NBAS: variants seen among roughly 807,000 people sequenced by gnomAD.
NBAS encodes NAG/BC035112 fusion.
In NBAS, 219 loss-of-function variants were observed where a neutral mutation model predicts 302.5. The ratio of observed to expected loss-of-function variants is 0.72; its 90% CI spans 0.65 to 0.81. The LOEUF (loss-of-function observed/expected upper bound fraction) is 0.81. NBAS is among the 30% of genes least tolerant of loss of function. The pLI is 0.00. For synonymous variants in NBAS, 1,118 were observed against 1,021.6 expected (o/e 1.09, Z -1.80); for missense variants, 2,932 against 2,841.6 (o/e 1.03, Z -0.72).
At chr2:15,484,331 A>T (rs1025462647) in intron 12 of NBAS, among the ~76,000 whole-genome samples, 1 of 152,182 alleles carries the variant, frequency 6.6e-6, no homozygotes, top group Non-Finnish European at 1.5e-5. Flanking sequence ...GATATTCTGA[A>T]AAAAGGCTTA....
intron 49 of NBAS, among the ~76,000 whole-genome samples, chr2:15,188,634 A>G (rs764717408): frequency 3.9e-5 from 6 of 152,224 alleles, no homozygotes; most frequent in Non-Finnish European, 8.8e-5. Context: ...ATTCCATTTC[A>G]TATGTGGCTA....
At chr2:14,785,028 C>T in the NBAS span, among the ~76,000 whole-genome samples, 2 of 152,282 alleles carry the variant, frequency 1.3e-5, no homozygotes, top group African/African-American at 2.4e-5. Context: ...TTGAAGAGGT[C>T]CTTCACGTCC....
chr2:14,793,723 A>T, the NBAS span, among the ~76,000 whole-genome samples: 1 of 152,178 alleles, frequency 6.6e-6, no homozygotes, highest in Non-Finnish European at 1.5e-5. Flanking sequence ...AACTGAGTAA[A>T]CACCAAACTC....
At chr2:15,451,680 G>A (rs541652368) in intron 21 of NBAS, among the ~76,000 whole-genome samples, 8 of 151,816 alleles carry the variant, frequency 5.3e-5, no homozygotes, top group Non-Finnish European at 8.8e-5. Context: ...TAAGTTTTAC[G>A]CTGTTGTAAT....
the NBAS span, among the ~76,000 whole-genome samples, chr2:14,880,950 T>G: frequency 2.0e-5 from 3 of 150,556 alleles, no homozygotes; most frequent in African/African-American, 7.4e-5. Flanking sequence ...AAAAAAAAAT[T>G]TATTTACAAG....
intron 35 of NBAS, among the ~76,000 whole-genome samples, chr2:15,346,078 A>G (rs1429991229): frequency 1.3e-5 from 2 of 152,200 alleles, no homozygotes; most frequent in Non-Finnish European, 1.5e-5. Flanking sequence ...AGGCAATACC[A>G]TTCAGGACAT....
chr2:14,870,893 G>T, the NBAS span, among the ~76,000 whole-genome samples: 6 of 151,738 alleles, frequency 4.0e-5, no homozygotes, highest in African/African-American at 1.5e-4. Context: ...AAGATAGAAT[G>T]ATGCAATTGT....
chr2:14,842,776 A>C, the NBAS span, among the ~76,000 whole-genome samples: 3 of 151,954 alleles, frequency 2.0e-5, no homozygotes, highest in Non-Finnish European at 2.9e-5. Flanking sequence ...AAAAACATTG[A>C]AGAGGAAGAA....
intron 38 of NBAS, among the ~76,000 whole-genome samples, chr2:15,319,222 C>A (rs1671668809): frequency 6.6e-6 from 1 of 152,114 alleles, no homozygotes; most frequent in Non-Finnish European, 1.5e-5. Flanking sequence ...CACAATGTAC[C>A]AGAATCTCTG....
rs953259783 is a variant in NBAS at position 15,421,454 on chromosome 2, C to T, written c.2577+2861G>A. ...GGTCCTGGCCAGATAAAATTCACCA[C>T]AATAAACATTTCCCTAAACCAACAA... On this transcript the variant is annotated intron_variant, in intron 23 of 51. Coordinates refer to ENST00000281513, the MANE Select transcript of NBAS (RefSeq NM_015909.4). Among the ~76,000 whole-genome samples, 8 of 152,216 alleles carry T rather than the reference C, an allele frequency of 5.3e-5. 3 individuals carry two copies. The highest frequency in any genetic ancestry group is 6.5e-5 in the Admixed American group (1 of 15,296).
intron 7 of NBAS, 83 bp downstream of exon 7, chr2:15,539,140 C>A (rs1316545311): frequency 6.4e-7 from 1 of 1,554,032 alleles, no homozygotes; most frequent in Admixed American, 1.7e-5. Context: ...TGTATTATCC[C>A]CCCCTTCACA....
intron 48 of NBAS, among the ~76,000 whole-genome samples, chr2:15,218,426 TTTTTTC>T: frequency 6.6e-6 from 1 of 152,212 alleles, no homozygotes; most frequent in South Asian, 2.1e-4. Flanking sequence ...CAACTATTGT[TTTTTTC>T]TTTTTCTTTT....
At chr2:14,988,618 C>A in the NBAS span, among the ~76,000 whole-genome samples, 2 of 151,930 alleles carry the variant, frequency 1.3e-5, 1 homozygote, top group South Asian at 4.2e-4. Context: ...GGTAAACAAG[C>A]CAAAAATATC....
intron 44 of NBAS, 45 bp from the exon 45 acceptor site, chr2:15,238,731 C>G (rs1667723949): frequency 6.6e-7 from 1 of 1,517,854 alleles, no homozygotes; most frequent in Non-Finnish European, 9.0e-7. Context: ...GCATTATTAC[C>G]TATTGCATAT....
Position 15,186,893 on chromosome 2 carries a change from G to A in NBAS, c.6573-13C>T, listed in dbSNP as rs985081436. The A allele has an allele frequency of 2.5e-6, 4 of 1,613,740 alleles. No homozygotes were observed. In the African/African-American group the frequency reaches 4.0e-5, roughly 16 times the overall value. On this transcript the variant is annotated splice_polypyrimidine_tract_variant and intron_variant, in intron 49 of 51. Transcript: ENST00000281513. ...ATTATTGGTTATGCTGGTGTTTATG[G>A]AGAAAAATACAAGGCACTGGAAATG...
chr2:15,103,636 G>A, the NBAS span, among the ~76,000 whole-genome samples: 1 of 152,108 alleles, frequency 6.6e-6, no homozygotes, highest in East Asian at 1.9e-4. Flanking sequence ...CTCAATAAAT[G>A]TTTTTAGATT....
chr2:15,168,706 T>C (rs769151281), intron 51 of NBAS, among the ~76,000 whole-genome samples: 9 of 152,264 alleles, frequency 5.9e-5, no homozygotes, highest in Non-Finnish European at 1.2e-4. Context: ...CTCGGCTCAC[T>C]GCAACCTCCT....
At chr2:15,487,704 G>A (rs565382359) in intron 12 of NBAS, among the ~76,000 whole-genome samples, 2 of 152,300 alleles carry the variant, frequency 1.3e-5, no homozygotes, top group East Asian at 3.9e-4. Flanking sequence ...AGTTTTGAGA[G>A]TTCATCACTT....
chr2:15,188,309 T>TC (rs1665182719), intron 49 of NBAS, among the ~76,000 whole-genome samples: 1 of 152,244 alleles, frequency 6.6e-6, no homozygotes, highest in South Asian at 2.1e-4. Context: ...TTGTAACCTT[T>TC]TTGTGTTGAT....
Sources: allele counts gnomAD v4.1 joint callset (sites outside exome capture counted in the v4.1 genomes callset), GRCh38; gene constraint gnomAD v4.1.1; transcripts MANE v1.5; gene names NCBI Gene and HGNC (gene_info 2026-07-23, HGNC 2026-07-21).